SERGEF: variants seen among roughly 807,000 people sequenced by gnomAD.
The protein encoded by SERGEF is secretion-regulating guanine nucleotide exchange factor.
In SERGEF, 51 loss-of-function variants were observed where a neutral mutation model predicts 50.0. The observed-to-expected ratio is 1.02, with a 90% confidence interval of 0.81 to 1.29. The LOEUF (loss-of-function observed/expected upper bound fraction) is 1.29. SERGEF is among the 50% of genes most tolerant of loss of function. The probability of loss-of-function intolerance (pLI) is 0.00; values close to 1 mark genes in which losing one functional copy is unlikely to be tolerated. For synonymous variants in SERGEF, 205 were observed against 212.4 expected, an observed-to-expected ratio of 0.97 and a Z score of 0.30; for missense variants, 521 against 557.0, an observed-to-expected ratio of 0.94 and a Z score of 0.65.
intron 9 of SERGEF, among the ~76,000 whole-genome samples, chr11:17,902,682 C>T (rs1262966485): frequency 6.6e-6 from 1 of 152,192 alleles, no homozygotes; most frequent in African/African-American, 2.4e-5. Flanking sequence ...GGAATTAGTG[C>T]CTGGTGGCCC....
intron 6 of SERGEF, among the ~76,000 whole-genome samples, chr11:17,994,854 C>T (rs1171262335): frequency 1.3e-5 from 2 of 152,152 alleles, no homozygotes; most frequent in Non-Finnish European, 1.5e-5. Flanking sequence ...ATCACTCCCA[C>T]TGCAACCCAC....
At chr11:17,902,790 A>C (rs1381345308) in intron 9 of SERGEF, among the ~76,000 whole-genome samples, 5 of 152,232 alleles carry the variant, frequency 3.3e-5, no homozygotes, top group Non-Finnish European at 7.3e-5. Flanking sequence ...ATGCAGGACT[A>C]GAGTTGCCAA....
At chr11:17,868,322 G>A (rs1039329492) in intron 10 of SERGEF, among the ~76,000 whole-genome samples, 1 of 152,142 alleles carries the variant, frequency 6.6e-6, no homozygotes, top group African/African-American at 2.4e-5. Flanking sequence ...CAAATCTCTA[G>A]GGCAGAGGCA....
chr11:17,802,045 A>C (rs1849679494), intron 10 of SERGEF, among the ~76,000 whole-genome samples: 1 of 152,176 alleles, frequency 6.6e-6, no homozygotes, highest in East Asian at 1.9e-4. Flanking sequence ...AAGTTCTCCT[A>C]CTGGTCCCAT....
intron 10 of SERGEF, among the ~76,000 whole-genome samples, chr11:17,851,108 G>T (rs1369741868): frequency 6.6e-6 from 1 of 152,196 alleles, no homozygotes; most frequent in Non-Finnish European, 1.5e-5. Context: ...CTGTGAAACT[G>T]TCACAATTAC....
chr11:17,802,437 G>A (rs999423514), intron 10 of SERGEF, among the ~76,000 whole-genome samples: 1 of 152,172 alleles, frequency 6.6e-6, no homozygotes, highest in Non-Finnish European at 1.5e-5. Flanking sequence ...AGACAAGGGG[G>A]CTAGAGACTT....
intron 10 of SERGEF, among the ~76,000 whole-genome samples, chr11:17,831,060 C>T (rs1185238583): frequency 5.9e-5 from 9 of 152,054 alleles, no homozygotes; most frequent in Admixed American, 5.2e-4. Flanking sequence ...TATAATTTTC[C>T]TATTTTAAAA....
intron 10 of SERGEF, among the ~76,000 whole-genome samples, chr11:17,806,758 A>T (rs1412341538): frequency 1.3e-5 from 2 of 152,198 alleles, no homozygotes; most frequent in Admixed American, 6.5e-5. Context: ...AGAGGAAAGC[A>T]TCAGGTAGAA....
intron 10 of SERGEF, among the ~76,000 whole-genome samples, chr11:17,808,525 C>T (rs1031594932): frequency 1.3e-5 from 2 of 152,170 alleles, no homozygotes; most frequent in East Asian, 3.9e-4. Context: ...GAGGGATCTG[C>T]CCTCATGATC....
intron 9 of SERGEF, among the ~76,000 whole-genome samples, chr11:17,948,338 G>T (rs1272405778): frequency 1.3e-5 from 2 of 152,058 alleles, no homozygotes; most frequent in Admixed American, 1.3e-4. Context: ...ATATCTATTT[G>T]ACAGATGCAA....
chr11:17,920,974 A>G (rs1202368963), intron 9 of SERGEF, among the ~76,000 whole-genome samples: 2 of 152,226 alleles, frequency 1.3e-5, no homozygotes, highest in Non-Finnish European at 2.9e-5. Context: ...ACAAAGGGAC[A>G]TGTTCTATTT....
intron 10 of SERGEF, among the ~76,000 whole-genome samples, chr11:17,826,774 G>A (rs1850203938): frequency 6.6e-6 from 1 of 152,130 alleles, no homozygotes; most frequent in African/African-American, 2.4e-5. Flanking sequence ...CATCATATAT[G>A]ATAGAGAATA....
At chr11:17,994,610 G>C (rs951820612) in intron 6 of SERGEF, among the ~76,000 whole-genome samples, 1 of 151,968 alleles carries the variant, frequency 6.6e-6, no homozygotes, top group Non-Finnish European at 1.5e-5. Context: ...CTGGGGAGAA[G>C]TGAATACCTT....
At chr11:17,882,216 G>C (rs1851346162) in intron 9 of SERGEF, among the ~76,000 whole-genome samples, 1 of 152,070 alleles carries the variant, frequency 6.6e-6, no homozygotes, top group Non-Finnish European at 1.5e-5. Context: ...AGGAGTTCGA[G>C]ACCAGCCTGG....
At chr11:17,906,185 G>T (rs1038518980) in intron 9 of SERGEF, among the ~76,000 whole-genome samples, 1 of 152,136 alleles carries the variant, frequency 6.6e-6, no homozygotes, top group African/African-American at 2.4e-5. Flanking sequence ...ACGGGGAGGG[G>T]TGGGCTGATA....
chr11:17,931,389 C>T (rs1407650508), intron 9 of SERGEF, among the ~76,000 whole-genome samples: 1 of 152,180 alleles, frequency 6.6e-6, no homozygotes, highest in African/African-American at 2.4e-5. Flanking sequence ...TAACCCAGAA[C>T]CTTTTTCTTA....
chr11:18,001,659 C>A (rs1255189778), intron 4 of SERGEF, among the ~76,000 whole-genome samples: 1 of 152,198 alleles, frequency 6.6e-6, no homozygotes, highest in African/African-American at 2.4e-5. Flanking sequence ...CTGTTTTAAG[C>A]TGCTAAGGTT....
intron 10 of SERGEF, among the ~76,000 whole-genome samples, chr11:17,850,709 G>T (rs1850695304): frequency 6.6e-6 from 1 of 152,150 alleles, no homozygotes; most frequent in South Asian, 2.1e-4. Context: ...GGAGTACTCT[G>T]GTAATCATGG....
At chr11:17,990,125 G>T (rs554072618) in intron 7 of SERGEF, among the ~76,000 whole-genome samples, 1 of 152,238 alleles carries the variant, frequency 6.6e-6, no homozygotes, top group East Asian at 1.9e-4. Context: ...AGTATTGCTT[G>T]CCCTAGGGCA....
Sources: allele counts gnomAD v4.1 joint callset (sites outside exome capture counted in the v4.1 genomes callset), GRCh38; gene constraint gnomAD v4.1.1; transcripts MANE v1.5; gene names NCBI Gene and HGNC (gene_info 2026-07-23, HGNC 2026-07-21).